The following EPHA7 variants were observed in gnomAD, a reference collection of about 807,000 sequenced individuals.
EPHA7 encodes the protein ephrin type-A receptor 7.
EPHA7 carries 25 observed loss-of-function variants against 112.6 expected under a neutral mutation model. The ratio of observed to expected loss-of-function variants is 0.22; its 90% CI spans 0.16 to 0.31. The LOEUF (loss-of-function observed/expected upper bound fraction) is 0.31, where lower values mean the gene tolerates loss of function less well. Ranked by LOEUF, EPHA7 falls within the 10% of genes least tolerant of loss-of-function variation. EPHA7 has a pLI of 1.00. For missense variants in EPHA7, 962 were observed against 1,212.6 expected (o/e 0.79, Z 3.07); for synonymous variants, 437 against 406.5 (o/e 1.07, Z -0.90).
At chr6:93,388,828 T>TCTTAATA (rs1777760985) in intron 3 of EPHA7, among the ~76,000 whole-genome samples, 10 of 152,034 alleles carry the variant, frequency 6.6e-5, no homozygotes, top group African/African-American at 2.2e-4. Flanking sequence ...AAAAAAAGGA[T>TCTTAATA]TTTGATTAAA....
chr6:93,398,647 T>C (rs915850182), intron 3 of EPHA7, among the ~76,000 whole-genome samples: 1 of 151,888 alleles, frequency 6.6e-6, no homozygotes, highest in Non-Finnish European at 1.5e-5. Context: ...TTTATTATAA[T>C]GAAGGATGAG....
intron 3 of EPHA7, among the ~76,000 whole-genome samples, chr6:93,396,901 A>G: frequency 6.6e-6 from 1 of 151,790 alleles, no homozygotes; most frequent in East Asian, 1.9e-4. Context: ...CTTTTGTTAG[A>G]CTGTAGAGAA....
At chr6:93,292,402 A>G (rs1395170320) in intron 5 of EPHA7, among the ~76,000 whole-genome samples, 2 of 152,198 alleles carry the variant, frequency 1.3e-5, no homozygotes, top group Non-Finnish European at 2.9e-5. Flanking sequence ...TAAACTGCTG[A>G]TACCATTTAG....
intron 5 of EPHA7, among the ~76,000 whole-genome samples, chr6:93,283,657 G>A (rs145101363): frequency 1.3e-5 from 2 of 152,172 alleles, no homozygotes; most frequent in African/African-American, 4.8e-5. Context: ...AGCGAGACCA[G>A]GAGCCCACCA....
chr6:93,396,047 T>A (rs879220113), intron 3 of EPHA7, among the ~76,000 whole-genome samples: 8 of 151,888 alleles, frequency 5.3e-5, no homozygotes, highest in Non-Finnish European at 8.8e-5. Flanking sequence ...GTGTCTCTGC[T>A]GTCTATTGGA....
chr6:93,294,303 A>T (rs957068929), intron 5 of EPHA7, among the ~76,000 whole-genome samples: 1 of 152,334 alleles, frequency 6.6e-6, no homozygotes, highest in Admixed American at 6.5e-5. Flanking sequence ...TCATGTAATA[A>T]GGATTCTTCT....
intron 3 of EPHA7, among the ~76,000 whole-genome samples, chr6:93,404,436 G>A (rs1023868163): frequency 2.0e-5 from 3 of 151,854 alleles, no homozygotes; most frequent in African/African-American, 7.2e-5. Context: ...TATTGGTTAG[G>A]AATAAGGATT....
At chr6:93,290,271 A>G (rs1772292821) in intron 5 of EPHA7, among the ~76,000 whole-genome samples, 2 of 152,170 alleles carry the variant, frequency 1.3e-5, no homozygotes, top group African/African-American at 2.4e-5. Flanking sequence ...AGTGAATTCC[A>G]TAATATGATA....
At chr6:93,275,810 G>A (rs1269284275) in intron 5 of EPHA7, among the ~76,000 whole-genome samples, 9 of 151,964 alleles carry the variant, frequency 5.9e-5, no homozygotes, top group African/African-American at 2.2e-4. Context: ...TTTATGTACA[G>A]ACCTGAACCA....
intron 3 of EPHA7, among the ~76,000 whole-genome samples, chr6:93,366,140 GA>G (rs963957333): frequency 1.3e-5 from 2 of 150,116 alleles, no homozygotes; most frequent in East Asian, 1.9e-4. Flanking sequence ...TGATAAAAAA[GA>G]AAAAAAAAGT....
At chr6:93,379,290 C>A (rs562811599) in intron 3 of EPHA7, among the ~76,000 whole-genome samples, 1 of 152,112 alleles carries the variant, frequency 6.6e-6, no homozygotes, top group East Asian at 1.9e-4. Context: ...CATAATTTTT[C>A]TTTCCATTTA....
intron 5 of EPHA7, among the ~76,000 whole-genome samples, chr6:93,304,739 A>G (rs1474584796): frequency 1.3e-5 from 2 of 152,036 alleles, no homozygotes; most frequent in Non-Finnish European, 2.9e-5. Context: ...AACTCCTGAG[A>G]GTATTTACAT....
Position 93,258,270 on chromosome 6 carries a change from C to T in EPHA7, c.1939G>A (p.Val647Ile). The T allele has an allele frequency of 1.3e-6, 2 of 1,598,124 alleles. No homozygotes were observed. Among genetic ancestry groups the T allele is most frequent in the Non-Finnish European group, 1.7e-6 (2 of 1,171,772 alleles). The change falls in exon 11 of 17, where the codon GTC becomes ATC. Residue 647 changes from valine (V) to isoleucine (I), a missense_variant. Physicochemically the swap from Val to Ile is conservative, Grantham distance 29. Transcript: ENST00000369303. ...RVIGAGEFGE[V>I]CSGRLKLPGK... The stretch of plus-strand genomic sequence containing the variant: ...GGAAGTTTCAAACGGCCACTGCAGA[C>T]TTCACCGAATTCTCCTGAAGTAACA...
intron 1 of EPHA7, among the ~76,000 whole-genome samples, 177 bp downstream of exon 1, chr6:93,419,068 T>A (rs574981679): frequency 6.6e-6 from 1 of 152,216 alleles, no homozygotes; most frequent in Admixed American, 6.5e-5. Context: ...GGAACAGCCC[T>A]GGTTCGCGCT....
intron 3 of EPHA7, among the ~76,000 whole-genome samples, chr6:93,383,500 T>A (rs1374637913): frequency 6.6e-6 from 1 of 152,052 alleles, no homozygotes; most frequent in African/African-American, 2.4e-5. Context: ...GTCCCTGAAC[T>A]CTTGCACTTC....
chr6:93,336,340 G>A (rs553316294), intron 5 of EPHA7, among the ~76,000 whole-genome samples: 2 of 152,240 alleles, frequency 1.3e-5, no homozygotes, highest in African/African-American at 4.8e-5. Flanking sequence ...GATTTCATGT[G>A]TATCTCACTT....
At chr6:93,248,585 T>C (rs1479555215) in intron 14 of EPHA7, among the ~76,000 whole-genome samples, 3 of 152,142 alleles carry the variant, frequency 2.0e-5, no homozygotes, top group Admixed American at 6.5e-5. Flanking sequence ...CCCAATCCTT[T>C]ACTATTTCAA....
intron 5 of EPHA7, among the ~76,000 whole-genome samples, chr6:93,274,227 A>T (rs1252563023): frequency 1.3e-5 from 2 of 151,848 alleles, no homozygotes; most frequent in Non-Finnish European, 2.9e-5. Flanking sequence ...AAACACTAAG[A>T]CATGTTGCTT....
intron 3 of EPHA7, among the ~76,000 whole-genome samples, chr6:93,363,670 A>G (rs1776362652): frequency 6.6e-6 from 1 of 152,168 alleles, no homozygotes; most frequent in African/African-American, 2.4e-5. Flanking sequence ...CAAAAGAATA[A>G]ACATTGTTAC....
Sources: gnomAD v4.1 joint callset for allele counts (sites outside exome capture counted in the v4.1 genomes callset) on GRCh38, gnomAD v4.1.1 for gene constraint, MANE v1.5 for transcripts, NCBI Gene and HGNC (gene_info 2026-07-23, HGNC 2026-07-21) for gene names.